SYT14: variants seen among roughly 807,000 people sequenced by gnomAD.
SYT14 encodes the protein synaptotagmin-14.
Under a neutral mutation model 74.2 loss-of-function variants are expected in SYT14, and 32 were observed. That is an observed-to-expected ratio of 0.43 (90% confidence interval 0.33 to 0.58). The LOEUF (loss-of-function observed/expected upper bound fraction) is 0.58. Among genes scored for constraint, SYT14 ranks in the 20% least tolerant of loss-of-function variants. The pLI, the probability that SYT14 is intolerant of heterozygous loss-of-function variation, is 0.05. For synonymous variants in SYT14, 298 were observed against 337.7 expected (o/e 0.88, Z 1.29); for missense variants, 791 against 981.8 (o/e 0.81, Z 2.60).
chr1:210,110,070 G>A (rs1357873356), intron 7 of SYT14, among the ~76,000 whole-genome samples: 1 of 152,076 alleles, frequency 6.6e-6, no homozygotes, highest in East Asian at 1.9e-4. Context: ...TGAACAGTGA[G>A]AACACATGGA....
chr1:210,123,414 CCCATGAATACTA>C (rs2082506768), intron 7 of SYT14, among the ~76,000 whole-genome samples: 1 of 152,128 alleles, frequency 6.6e-6, no homozygotes, highest in Admixed American at 6.5e-5. Flanking sequence ...TGATCACACA[CCCATGAATACTA>C]CCAGGTACAG....
exon 10 of SYT14, chr1:210,167,529 T>C (rs1308826765): frequency 6.6e-6 from 1 of 152,240 alleles, no homozygotes; most frequent in Non-Finnish European, 1.5e-5. Context: ...TCTGATGTAA[T>C]ATTTTGTATT....
intron 7 of SYT14, among the ~76,000 whole-genome samples, chr1:210,112,715 C>T (rs907061996): frequency 6.6e-6 from 1 of 151,312 alleles, no homozygotes; most frequent in African/African-American, 2.5e-5. Flanking sequence ...GGAAGTAAAG[C>T]AGCCTTGAGA....
chr1:209,975,542 C>A (rs973193927), intron 2 of SYT14, among the ~76,000 whole-genome samples: 1 of 152,186 alleles, frequency 6.6e-6, no homozygotes, highest in African/African-American at 2.4e-5. Context: ...GCCTTGCATC[C>A]AGGGATGAAA....
chr1:210,118,245 G>T (rs1217364951), intron 7 of SYT14, among the ~76,000 whole-genome samples: 3 of 151,962 alleles, frequency 2.0e-5, no homozygotes, highest in Non-Finnish European at 2.9e-5. Flanking sequence ...TGAGAAAGAG[G>T]GGATAAAATA....
chr1:209,952,610 T>G (rs1344865057), intron 1 of SYT14, 99 bp from the exon 2 acceptor site: 1 of 1,015,382 alleles, frequency 9.8e-7, no homozygotes, highest in Non-Finnish European at 1.5e-6. Flanking sequence ...AAACTTTTTT[T>G]GAGGTCACTT....
intron 7 of SYT14, among the ~76,000 whole-genome samples, chr1:210,111,761 C>T (rs2082266699): frequency 6.6e-6 from 1 of 151,188 alleles, no homozygotes; most frequent in South Asian, 2.1e-4. Context: ...AGGAGAAAAA[C>T]AGATATTAAA....
At chr1:210,041,382 C>T (rs919607670) in intron 5 of SYT14, among the ~76,000 whole-genome samples, 7 of 152,128 alleles carry the variant, frequency 4.6e-5, no homozygotes, top group African/African-American at 1.2e-4. Flanking sequence ...TATACTCATA[C>T]TGTGTGGCTG....
intron 5 of SYT14, among the ~76,000 whole-genome samples, chr1:210,030,132 T>TTTTTTGTTTTTG (rs112355766): frequency 1.2e-4 from 18 of 151,610 alleles, no homozygotes; most frequent in South Asian, 8.4e-4. Context: ...TTTATTAGTT[T>TTTTTTGTTTTTG]TTTTTGTTTT....
chr1:210,042,775 A>G (rs1292091153), intron 5 of SYT14, among the ~76,000 whole-genome samples: 1 of 152,150 alleles, frequency 6.6e-6, no homozygotes, highest in Non-Finnish European at 1.5e-5. Flanking sequence ...TATAGTTTGA[A>G]GTCAGGTAGC....
At chr1:210,120,369 T>TG (rs1236136515) in intron 7 of SYT14, among the ~76,000 whole-genome samples, 1 of 144,240 alleles carries the variant, frequency 6.9e-6, no homozygotes, top group Admixed American at 6.6e-5. Flanking sequence ...TTTGCTGTTT[T>TG]TTTTTTTTTT....
intron 5 of SYT14, among the ~76,000 whole-genome samples, chr1:210,043,434 G>GAA (rs11389788): frequency 2.8e-4 from 42 of 149,680 alleles, no homozygotes; most frequent in Middle Eastern, 3.4e-3. Flanking sequence ...TTGTTTTACT[G>GAA]AAAAAAAAAA....
At chr1:210,137,681 C>CTTT (rs397717067) in intron 7 of SYT14, among the ~76,000 whole-genome samples, 3 of 135,432 alleles carry the variant, frequency 2.2e-5, no homozygotes, top group Non-Finnish European at 3.1e-5. Flanking sequence ...CTTCAAATTT[C>CTTT]TTTTTTTTTT....
chr1:209,987,844 T>A (rs2079597646), intron 2 of SYT14, among the ~76,000 whole-genome samples: 1 of 152,226 alleles, frequency 6.6e-6, no homozygotes, highest in Admixed American at 6.5e-5. Context: ...CAGCCTTACC[T>A]CTTTTCTTTT....
At chr1:210,006,230 A>C (rs146874740) in intron 2 of SYT14, among the ~76,000 whole-genome samples, 76 of 152,048 alleles carry the variant, frequency 5.0e-4, no homozygotes, top group African/African-American at 1.8e-3. Flanking sequence ...GCATTGTTAC[A>C]TTCTTTTTTT....
chr1:210,132,567 T>TTGTGTGTGTGTG (rs3031264), intron 7 of SYT14, among the ~76,000 whole-genome samples: 3 of 145,082 alleles, frequency 2.1e-5, no homozygotes, highest in African/African-American at 7.7e-5. Context: ...ATTTTATATA[T>TTGTGTGTGTGTG]TGTGTGTGTG....
chr1:210,099,756 T>C (rs1228440509), intron 6 of SYT14, among the ~76,000 whole-genome samples: 1 of 152,196 alleles, frequency 6.6e-6, no homozygotes, highest in Admixed American at 6.5e-5. Flanking sequence ...ACATCACACT[T>C]TCTCAGAATT....
chr1:209,953,373 A>G (rs565909606), intron 2 of SYT14: 27 of 635,788 alleles, frequency 4.2e-5, no homozygotes, highest in Middle Eastern at 6.4e-4. Context: ...AATCTATGAA[A>G]TCATATGAAG....
chr1:210,017,410 CTGCT>C (rs141671152), intron 4 of SYT14, among the ~76,000 whole-genome samples: 7,585 of 152,016 alleles, frequency 0.05, 1,028 homozygotes, highest in East Asian at 0.42. Context: ...GTTTTCTTAC[CTGCT>C]TTATTTGGAG....
Sources: gnomAD v4.1 joint callset for allele counts (sites outside exome capture counted in the v4.1 genomes callset) on GRCh38, gnomAD v4.1.1 for gene constraint, MANE v1.5 for transcripts, NCBI Gene and HGNC (gene_info 2026-07-23, HGNC 2026-07-21) for gene names.